The following GATA4 variants were observed in gnomAD, a reference collection of about 807,000 sequenced individuals.
GATA4 encodes the protein GATA binding protein 4.
In GATA4, 7 loss-of-function variants were observed where a neutral mutation model predicts 37.9. The observed-to-expected ratio is 0.18, with a 90% CI of 0.11 to 0.35. The LOEUF is 0.35. GATA4 is among the 10% of genes least tolerant of loss of function. The probability of loss-of-function intolerance (pLI) is 1.00; values close to 1 mark genes in which losing one functional copy is unlikely to be tolerated. For missense variants in GATA4, 647 were observed against 653.0 expected (o/e 0.99, Z 0.10); for synonymous variants, 372 against 292.6 (o/e 1.27, Z -2.77).
chr8:11,719,344 C>A (rs1443921659), intron 2 of GATA4, among the ~76,000 whole-genome samples: 2 of 152,000 alleles, frequency 1.3e-5, no homozygotes, highest in African/African-American at 4.8e-5. Flanking sequence ...CAAATAAAAC[C>A]TTTCCCTAGC....
In GATA4 at chr8:11,680,529, T is replaced by G. The variant is rs547251948; in HGVS notation, c.-274+3466T>G. On this transcript the variant is annotated intron_variant, in intron 1 of 6. Transcript: ENST00000528712. ...CATGGGCCAGGTCACCTCGGACGGG[T>G]GTCGCGCCGACGTCCTTCGTGGTCG... 2.3e-4 allele frequency: 222 copies of G among 985,370 alleles called. 1 individual carries two copies. The African/African-American group carries it at 3.8e-3, about 17-fold the overall frequency. 61.0% of individuals were successfully genotyped at this position (985,370 alleles called of 1,614,324 possible).
chr8:11,754,909 G>C, intron 4 of GATA4, 137 bp from the exon 5 acceptor site: 1 of 712,464 alleles, frequency 1.4e-6, no homozygotes, highest in Non-Finnish European at 2.5e-6. Context: ...CCAGGGGCCT[G>C]TGCAGCCCGT....
chr8:11,724,566 C>T (rs1039294131), intron 2 of GATA4, among the ~76,000 whole-genome samples: 1 of 152,204 alleles, frequency 6.6e-6, no homozygotes, highest in Non-Finnish European at 1.5e-5. Context: ...TCCTGAAACC[C>T]GCCCTGTGTT....
At chr8:11,680,406 C>A (rs903871383) in intron 1 of GATA4, 17 of 899,948 alleles carry the variant, frequency 1.9e-5, no homozygotes, top group Non-Finnish European at 2.3e-5. Context: ...TTCCCGCCCT[C>A]GGCCCACGAG....
At chr8:11,699,621 G>A (rs905082452), upstream of GATA4, among the ~76,000 whole-genome samples, 7 of 152,240 alleles carry the variant, frequency 4.6e-5, no homozygotes, top group Admixed American at 3.3e-4. Context: ...TGGCCACTGC[G>A]CCTCCAGCGC....
chr8:11,693,643 C>T (rs1052122588), intron 1 of GATA4, among the ~76,000 whole-genome samples: 1 of 148,554 alleles, frequency 6.7e-6, no homozygotes, highest in African/African-American at 2.5e-5. Flanking sequence ...ATGAGGAGAC[C>T]GAGGGCCAGA....
chr8:11,750,247 C>T lies in GATA4; in HGVS notation c.912+11C>T, dbSNP rs758503499. ...ATGAAGCTCCACGGGGTACGTGGGT[C>T]CTGCGCCCATGCGGCATCCTTGCCT... On this transcript the variant is annotated intron_variant, in intron 4 of 6. Transcript: ENST00000532059. 6.8e-6 allele frequency: 11 copies of T among 1,611,958 alleles called. No individual in the cohort carries two copies. Among genetic ancestry groups the T allele is most frequent in the Non-Finnish European group, 9.3e-6 (11 of 1,180,036 alleles).
intron 2 of GATA4, among the ~76,000 whole-genome samples, chr8:11,736,796 ATAT>A (rs796669312): frequency 5.3e-5 from 8 of 152,256 alleles, no homozygotes; most frequent in African/African-American, 1.7e-4. Context: ...ATTTGATCTG[ATAT>A]TATCTAGATT....
chr8:11,758,322 T>C lies in GATA4; in HGVS notation c.1179T>C (p.His393=). Residue 393 remains histidine, a synonymous_variant, in exon 7 of 7, where the codon CAT becomes CAC. Transcript: ENST00000532059. ...TCTCAGTCAGTGCGATGTCTGGCCA[T>C]GGGCCCTCCATCCACCCTGTCCTCT... The part of the protein sequence containing the change: ...QTFSVSAMSG[H]GPSIHPVLSA... 2 of 1,614,160 alleles carry C rather than the reference T, an allele frequency of 1.2e-6. No individual in the cohort carries two copies. Among genetic ancestry groups the C allele is most frequent in the African/African-American group, 1.3e-5 (1 of 75,052 alleles).
Position 11,748,939 on chromosome 8 carries a change from G to C in GATA4, c.640G>C (p.Glu214Gln), listed in dbSNP as rs370946998. The C allele has an allele frequency of 8.1e-6, 13 of 1,614,114 alleles. No individual in the cohort carries two copies. The highest frequency in any genetic ancestry group is 1.3e-5 in the African/African-American group (1 of 74,940). Reference protein sequence around the residue: ...NLVDMFDDFSEGRECVNCGAM... With the variant: ...NLVDMFDDFSQGRECVNCGAM... The stretch of plus-strand genomic sequence containing the variant: ...AGTAGATATGTTTGACGACTTCTCA[G>C]AAGGCAGAGAGTGTGTCAACTGTGG... Residue 214 changes from glutamate (E) to glutamine (Q), a missense_variant, in exon 3 of 7, where the codon GAA (glutamate) becomes CAA (glutamine). Physicochemically the swap from Glu to Gln is conservative, Grantham distance 29. Transcript: ENST00000532059.
At chr8:11,677,371 C>G (rs1273059574) in intron 1 of GATA4, among the ~76,000 whole-genome samples, 2 of 152,210 alleles carry the variant, frequency 1.3e-5, no homozygotes, top group Non-Finnish European at 2.9e-5. Flanking sequence ...TTTAGTTTCT[C>G]TATTTCCCGA....
At chr8:11,757,759 C>T (rs1360561696) in intron 6 of GATA4, among the ~76,000 whole-genome samples, 1 of 152,238 alleles carries the variant, frequency 6.6e-6, no homozygotes, top group Non-Finnish European at 1.5e-5. Flanking sequence ...GCCTCCCTGC[C>T]TCCTCCCCTC....
At chr8:11,690,868 C>G (rs1799290049), upstream of GATA4, among the ~76,000 whole-genome samples, 1 of 152,224 alleles carries the variant, frequency 6.6e-6, no homozygotes, top group East Asian at 1.9e-4. Flanking sequence ...AACACCCTGT[C>G]TGTCTCTCTT....
At chr8:11,723,209 T>A (rs995513345) in intron 2 of GATA4, among the ~76,000 whole-genome samples, 4 of 151,846 alleles carry the variant, frequency 2.6e-5, no homozygotes, top group African/African-American at 9.7e-5. Context: ...ATAAATAAAT[T>A]AGGCAGGGGT....
At chr8:11,715,309 C>T (rs993853851) in intron 2 of GATA4, among the ~76,000 whole-genome samples, 2 of 152,188 alleles carry the variant, frequency 1.3e-5, no homozygotes, top group Non-Finnish European at 2.9e-5. Flanking sequence ...AGAAAAGGGA[C>T]TTTCACTATG....
intron 5 of GATA4, among the ~76,000 whole-genome samples, chr8:11,755,739 G>A (rs1802526858): frequency 6.6e-6 from 1 of 152,058 alleles, no homozygotes; most frequent in Non-Finnish European, 1.5e-5. Context: ...AATGGGTAGA[G>A]AATTAAAACC....
upstream of GATA4, among the ~76,000 whole-genome samples, chr8:11,689,456 T>A (rs1017505455): frequency 6.6e-5 from 10 of 152,102 alleles, no homozygotes; most frequent in African/African-American, 2.4e-4. Context: ...CAATAAACAA[T>A]GAGAATCAGA....
At chr8:11,677,143 T>A (rs1408084349) in intron 1 of GATA4, 1 of 151,234 alleles carries the variant, frequency 6.6e-6, no homozygotes, top group African/African-American at 2.4e-5. Context: ...GCTTGGGGAG[T>A]CTCCTTGCTC....
rs1193338794 is a variant in GATA4, at chr8:11,712,180, C to T, written c.616+3252C>T. 2.0e-5 allele frequency among the ~76,000 whole-genome samples: 3 copies of T among 152,182 alleles called. 1 individual carries two copies. Among genetic ancestry groups the T allele is most frequent in the Admixed American group, 2.0e-4 (3 of 15,276 alleles). On this transcript the variant is annotated intron_variant, in intron 2 of 6. Transcript: ENST00000532059. Reference sequence around the variant, plus strand: ...AAATGATGGTTATTTTATTGAATAGCCACTCACTGTCATGTAGAGTTACCA... The same window carrying T: ...AAATGATGGTTATTTTATTGAATAGTCACTCACTGTCATGTAGAGTTACCA...
Sources: allele counts gnomAD v4.1 joint callset (sites outside exome capture counted in the v4.1 genomes callset), GRCh38; gene constraint gnomAD v4.1.1; transcripts MANE v1.5; gene names NCBI Gene and HGNC (gene_info 2026-07-23, HGNC 2026-07-21).